Variants in STXBP4 observed in about 807,000 individuals in gnomAD.
STXBP4 encodes the protein syntaxin-binding protein 4.
STXBP4 carries 55 observed loss-of-function variants against 76.1 expected under a neutral mutation model. The ratio of observed to expected loss-of-function variants is 0.72; its 90% CI spans 0.58 to 0.91. The LOEUF (loss-of-function observed/expected upper bound fraction) is 0.91. Among genes scored for constraint, STXBP4 ranks in the 40% least tolerant of loss-of-function variants. STXBP4 has a pLI of 0.00. For synonymous variants in STXBP4, 201 were observed against 220.2 expected (o/e 0.91, Z 0.77); for missense variants, 618 against 636.9 (o/e 0.97, Z 0.32).
At chr17:55,206,857 G>GAAAAA in the STXBP4 span, among the ~76,000 whole-genome samples, 69 of 103,140 alleles carry the variant, frequency 6.7e-4, 2 homozygotes, top group East Asian at 0.01. Context: ...CTCCGTCTCA[G>GAAAAA]AAAAAAAAAA....
chr17:55,035,051 A>T (rs1236398206), intron 10 of STXBP4, among the ~76,000 whole-genome samples: 1 of 151,932 alleles, frequency 6.6e-6, no homozygotes, highest in Non-Finnish European at 1.5e-5. Context: ...TTTTTGTTCC[A>T]CCATCATTTA....
intron 8 of STXBP4, among the ~76,000 whole-genome samples, chr17:55,022,043 A>G (rs571150400): frequency 2.0e-5 from 3 of 151,504 alleles, no homozygotes; most frequent in East Asian, 3.9e-4. Flanking sequence ...TTAATAACAC[A>G]TGATATATTT....
At position 55,078,135 on chromosome 17, in the gene STXBP4, T is replaced by A; in HGVS notation, c.1246T>A (p.Ser416Thr). The change falls in exon 14 of 18, where the codon TCA (serine) becomes ACA (threonine). Residue 416 changes from serine to threonine, a missense_variant. Coordinates refer to ENST00000376352, the MANE Select transcript of STXBP4 (RefSeq NM_178509.6). Reference protein sequence around the residue: ...IMVLDCQLRKSEMARKTFEAS... With the variant: ...IMVLDCQLRKTEMARKTFEAS... The stretch of plus-strand genomic sequence containing the variant: ...GGTACTCGACTGCCAATTACGAAAA[T>A]CAGAAATGGCTCGAAAAACTTTTGA... 6.2e-7 allele frequency: 1 copy of A among 1,612,470 alleles called. No homozygotes were observed. The highest frequency in any genetic ancestry group is 8.5e-7 in the Non-Finnish European group (1 of 1,179,218).
chr17:55,175,225 A>T (rs574692826), downstream of STXBP4, among the ~76,000 whole-genome samples: 2 of 152,300 alleles, frequency 1.3e-5, no homozygotes, highest in South Asian at 4.1e-4. Context: ...CCTCTATACC[A>T]CTGAATTATA....
chr17:55,127,338 G>A (rs1183496858), intron 16 of STXBP4, among the ~76,000 whole-genome samples: 1 of 152,144 alleles, frequency 6.6e-6, no homozygotes, highest in Non-Finnish European at 1.5e-5. Context: ...AGTTTATCCA[G>A]TCACCAATTG....
At chr17:55,205,543 G>GCACA in the STXBP4 span, among the ~76,000 whole-genome samples, 9,552 of 148,542 alleles carry the variant, frequency 0.064, 504 homozygotes, top group East Asian at 0.24. Flanking sequence ...GCAGACAAAT[G>GCACA]CACACACACA....
rs118161605 is a variant in STXBP4 at position 55,113,804 on chromosome 17, T to A, written c.1490-27506T>A. Among the ~76,000 whole-genome samples, 527 of 152,212 alleles carry A rather than the reference T, an allele frequency of 3.5e-3. 13 individuals carry two copies. Among genetic ancestry groups the A allele is most frequent in the Middle Eastern group, 0.027 (8 of 294 alleles). On this transcript the variant is annotated intron_variant, in intron 16 of 17. Transcript: ENST00000376352. ...TGCTAACACTTTTGTGTGTTGTTTGTTTGTTTGGGTTTGGGTTTTTTTGGT... is the reference window on the plus strand; with the variant it reads ...TGCTAACACTTTTGTGTGTTGTTTGATTGTTTGGGTTTGGGTTTTTTTGGT...
At chr17:55,095,602 A>T (rs537558596) in intron 16 of STXBP4, among the ~76,000 whole-genome samples, 1 of 152,222 alleles carries the variant, frequency 6.6e-6, no homozygotes, top group African/African-American at 2.4e-5. Flanking sequence ...GCCTTCAACA[A>T]CAGAGTATTA....
At chr17:55,133,566 A>G (rs1173898438) in intron 16 of STXBP4, among the ~76,000 whole-genome samples, 1 of 152,170 alleles carries the variant, frequency 6.6e-6, no homozygotes, top group African/African-American at 2.4e-5. Flanking sequence ...AAGGAAGGAC[A>G]CAGAGGAGTT....
chr17:55,029,116 A>G (rs2078463793), intron 8 of STXBP4, among the ~76,000 whole-genome samples: 1 of 152,180 alleles, frequency 6.6e-6, no homozygotes, highest in South Asian at 2.1e-4. Flanking sequence ...ATAAATTACA[A>G]TAAATTCATA....
At chr17:55,194,528 TATGATTAC>T in the STXBP4 span, among the ~76,000 whole-genome samples, 1 of 152,190 alleles carries the variant, frequency 6.6e-6, no homozygotes, top group Non-Finnish European at 1.5e-5. Context: ...CCGGTCTAAA[TATGATTAC>T]ATGCAAAGCA....
chr17:54,986,250 C>T lies in STXBP4; in HGVS notation c.31C>T (p.Pro11Ser), dbSNP rs1686123685. The change falls in exon 3 of 18, where the codon CCC becomes TCC. Residue 11 changes from proline (P) to serine (S), a missense_variant. Pro to Ser is a moderately conservative substitution (Grantham distance 74). Transcript: ENST00000376352. The stretch of plus-strand genomic sequence containing the variant: ...TAAAAATACATCTACTGTAGTATCA[C>T]CCAGTCTACTTGAAAAGTAATTTTT... MNKNTSTVVS[P>S]SLLEKDPAFQ... 1 of 1,598,806 alleles carries T rather than the reference C, an allele frequency of 6.3e-7. No individual in the cohort carries two copies.
chr17:55,005,091 G>A (rs1448575046), intron 7 of STXBP4, among the ~76,000 whole-genome samples: 1 of 152,128 alleles, frequency 6.6e-6, no homozygotes, highest in South Asian at 2.1e-4. Flanking sequence ...GTTAAATGAA[G>A]GTTAGTGTAA....
At chr17:55,128,595 C>T (rs190183472) in intron 16 of STXBP4, among the ~76,000 whole-genome samples, 6 of 151,878 alleles carry the variant, frequency 4.0e-5, no homozygotes, top group African/African-American at 1.2e-4. Flanking sequence ...TTTCATAGTC[C>T]TTTTGTTTGT....
At chr17:55,070,140 G>A (rs2079103672) in intron 12 of STXBP4, among the ~76,000 whole-genome samples, 1 of 152,156 alleles carries the variant, frequency 6.6e-6, no homozygotes, top group Non-Finnish European at 1.5e-5. Context: ...TTTATAACTA[G>A]ACTGCCAAAT....
chr17:54,999,797 C>T lies in STXBP4; in HGVS notation c.453C>T (p.Thr151=), dbSNP rs199928070. 72 of 1,613,438 alleles carry T rather than the reference C, an allele frequency of 4.5e-5. No individual in the cohort carries two copies. The highest frequency in any genetic ancestry group is 1.8e-4 in the Admixed American group (11 of 59,974). The change falls in exon 6 of 18, where the codon ACC becomes ACT. Residue 151 remains threonine (T), a synonymous_variant. Transcript: ENST00000376352. ...CTCCTGAAATACTAATCCCAAAGACCTCATCCACTCCCAAAACAAATAATG... is the reference window on the plus strand; with the variant it reads ...CTCCTGAAATACTAATCCCAAAGACTTCATCCACTCCCAAAACAAATAATG... ...SSPPEILIPK[T]SSTPKTNNDI... is the part of the protein sequence containing the mutation.
At chr17:55,099,732 G>A (rs1458907396) in intron 16 of STXBP4, among the ~76,000 whole-genome samples, 1 of 152,074 alleles carries the variant, frequency 6.6e-6, no homozygotes, top group Non-Finnish European at 1.5e-5. Flanking sequence ...AAGAACATAG[G>A]CCAGCTTTGC....
intron 16 of STXBP4, among the ~76,000 whole-genome samples, chr17:55,121,756 ATAAAG>A (rs920237663): frequency 6.6e-6 from 1 of 152,058 alleles, no homozygotes; most frequent in Non-Finnish European, 1.5e-5. Context: ...TCAATGAGTT[ATAAAG>A]TAAAGTCTGC....
intron 16 of STXBP4, among the ~76,000 whole-genome samples, chr17:55,109,878 A>T (rs1222375046): frequency 6.6e-6 from 1 of 152,148 alleles, no homozygotes; most frequent in Non-Finnish European, 1.5e-5. Flanking sequence ...GCCTCAAGCA[A>T]TCCACCAGTC....
Sources: allele counts gnomAD v4.1 joint callset (sites outside exome capture counted in the v4.1 genomes callset), GRCh38; gene constraint gnomAD v4.1.1; transcripts MANE v1.5; gene names NCBI Gene and HGNC (gene_info 2026-07-23, HGNC 2026-07-21).